Variants in ZFHX3 observed in about 807,000 individuals in gnomAD.
ZFHX3 encodes the protein zinc finger homeobox protein 3.
Under a neutral mutation model 279.1 loss-of-function variants are expected in ZFHX3, and 42 were observed. The observed-to-expected ratio is 0.15, with a 90% CI of 0.12 to 0.19. The LOEUF (loss-of-function observed/expected upper bound fraction) is 0.19. Among genes scored for constraint, ZFHX3 ranks in the 10% least tolerant of loss-of-function variants. The pLI is 1.00. For missense variants in ZFHX3, 4,981 were observed against 4,754.0 expected (o/e 1.05, Z -1.40); for synonymous variants, 2,293 against 1,957.8 (o/e 1.17, Z -4.52).
chr16:73,270,162 G>C (rs2014101737), intron 4 of ZFHX3, among the ~76,000 whole-genome samples: 1 of 152,098 alleles, frequency 6.6e-6, no homozygotes, highest in Non-Finnish European at 1.5e-5. Context: ...TTCTAATAAG[G>C]ATCTAGAAGT....
intron 3 of ZFHX3, among the ~76,000 whole-genome samples, chr16:73,348,704 A>G (rs1008306178): frequency 4.6e-5 from 7 of 152,220 alleles, no homozygotes; most frequent in Non-Finnish European, 1.0e-4. Context: ...CTTTGCACTG[A>G]ACCCTTGGTG....
At chr16:73,398,124 C>A (rs540174301) in intron 3 of ZFHX3, among the ~76,000 whole-genome samples, 1 of 152,182 alleles carries the variant, frequency 6.6e-6, no homozygotes, top group Admixed American at 6.5e-5. Context: ...GGATTACAGG[C>A]GTGAGCCACT....
At chr16:73,024,996 C>T (rs1037150400) in intron 1 of ZFHX3, among the ~76,000 whole-genome samples, 1 of 152,198 alleles carries the variant, frequency 6.6e-6, no homozygotes, top group African/African-American at 2.4e-5. Context: ...GGAGACGAGA[C>T]ATTCCTCAGC....
intron 4 of ZFHX3, among the ~76,000 whole-genome samples, chr16:73,292,933 G>A (rs1274523781): frequency 6.6e-6 from 1 of 152,216 alleles, no homozygotes; most frequent in Non-Finnish European, 1.5e-5. Context: ...ACAGTCTGCT[G>A]ACAGTTTTGG....
At chr16:73,822,141 G>C (rs1960761953) in intron 1 of ZFHX3, among the ~76,000 whole-genome samples, 1 of 152,190 alleles carries the variant, frequency 6.6e-6, no homozygotes, top group African/African-American at 2.4e-5. Flanking sequence ...CGTCAAGCTG[G>C]ATCCAATGCC....
At chr16:73,428,527 G>A (rs762349035) in intron 3 of ZFHX3, among the ~76,000 whole-genome samples, 7 of 152,106 alleles carry the variant, frequency 4.6e-5, no homozygotes, top group African/African-American at 2.4e-5. Context: ...AGCCACCAGC[G>A]AGGACAGCCT....
intron 4 of ZFHX3, among the ~76,000 whole-genome samples, chr16:73,268,450 A>G (rs2014043646): frequency 6.6e-6 from 1 of 152,186 alleles, no homozygotes; most frequent in Non-Finnish European, 1.5e-5. Context: ...CAGGAGACTG[A>G]CATTTAGACA....
intron 9 of ZFHX3, chr16:72,790,485 A>C (rs2035653503): frequency 6.6e-6 from 1 of 152,212 alleles, no homozygotes. Flanking sequence ...GACTTGGGGG[A>C]AGACTGCAGA....
At chr16:72,945,012 G>C (rs1414651791) in intron 3 of ZFHX3, among the ~76,000 whole-genome samples, 1 of 152,090 alleles carries the variant, frequency 6.6e-6, no homozygotes, top group African/African-American at 2.4e-5. Flanking sequence ...GGTGTCTAAA[G>C]AGTGGAGTGA....
intron 1 of ZFHX3, among the ~76,000 whole-genome samples, chr16:73,828,062 G>T (rs1392643986): frequency 2.6e-5 from 1 of 38,478 alleles, no homozygotes; most frequent in Non-Finnish European, 4.9e-5. Flanking sequence ...GGTCACTCAG[G>T]ACTTGCTTTA....
intron 5 of ZFHX3, among the ~76,000 whole-genome samples, chr16:73,183,805 C>G (rs1967851931): frequency 6.6e-6 from 1 of 151,930 alleles, no homozygotes; most frequent in Admixed American, 6.6e-5. Context: ...AAATTAATGA[C>G]GATTTCGGGA....
chr16:73,119,590 T>C (rs926026512), intron 7 of ZFHX3, among the ~76,000 whole-genome samples: 2 of 152,222 alleles, frequency 1.3e-5, no homozygotes, highest in African/African-American at 4.8e-5. Context: ...GCTTTACCTT[T>C]GCCATGTTCC....
At chr16:72,894,531 T>C (rs538705739) in intron 3 of ZFHX3, among the ~76,000 whole-genome samples, 52 of 151,948 alleles carry the variant, frequency 3.4e-4, no homozygotes, top group African/African-American at 1.2e-3. Flanking sequence ...TGGTAGGGAG[T>C]GTGCTAAGAG....
intron 5 of ZFHX3, among the ~76,000 whole-genome samples, chr16:72,812,812 T>C (rs568483907): frequency 6.6e-6 from 1 of 151,964 alleles, no homozygotes; most frequent in East Asian, 1.9e-4. Flanking sequence ...TAAAGAGGAG[T>C]GGCCCATGAG....
At chr16:73,468,916 A>T (rs552558890) in intron 2 of ZFHX3, among the ~76,000 whole-genome samples, 2 of 152,290 alleles carry the variant, frequency 1.3e-5, no homozygotes, top group East Asian at 3.9e-4. Context: ...TCCTTTCTGG[A>T]TTGACTGCAT....
At chr16:73,092,261 T>C (rs1966092655) in intron 8 of ZFHX3, 1 of 152,186 alleles carries the variant, frequency 6.6e-6, no homozygotes, top group African/African-American at 2.4e-5. Context: ...TATTTACACA[T>C]GCACACACAA....
intron 4 of ZFHX3, among the ~76,000 whole-genome samples, chr16:72,868,528 G>C (rs981639279): frequency 5.3e-5 from 8 of 152,198 alleles, no homozygotes; most frequent in African/African-American, 1.7e-4. Flanking sequence ...GGAGAGATCA[G>C]GTGACTTTGC....
chr16:73,551,132 T>C (rs1440556444), intron 2 of ZFHX3, among the ~76,000 whole-genome samples: 1 of 152,240 alleles, frequency 6.6e-6, no homozygotes, highest in Non-Finnish European at 1.5e-5. Flanking sequence ...AAACGGCCTC[T>C]GGTTTGACAG....
intron 5 of ZFHX3, among the ~76,000 whole-genome samples, chr16:73,176,027 C>T (rs1024403912): frequency 3.9e-5 from 6 of 152,210 alleles, no homozygotes; most frequent in African/African-American, 1.2e-4. Context: ...CAACCCACCT[C>T]GTCGGCTATG....
Sources: allele counts gnomAD v4.1 joint callset (sites outside exome capture counted in the v4.1 genomes callset), GRCh38; gene constraint gnomAD v4.1.1; transcripts MANE v1.5; gene names NCBI Gene and HGNC (gene_info 2026-07-23, HGNC 2026-07-21).